Variants in FAM135B observed in about 807,000 individuals in gnomAD.
FAM135B encodes the protein family with sequence similarity 135 member B, also known as protein FAM135B.
A neutral mutation model predicts 127.7 loss-of-function variants in FAM135B; 43 were observed. The ratio of observed to expected loss-of-function variants is 0.34; its 90% CI spans 0.26 to 0.43. FAM135B has a LOEUF of 0.43. Ranked by LOEUF, FAM135B falls within the 20% of genes least tolerant of loss-of-function variation. FAM135B has a pLI of 1.00. For synonymous variants in FAM135B, 670 were observed against 665.1 expected, an observed-to-expected ratio of 1.01 and a Z score of -0.11; for missense variants, 1,558 against 1,725.6, an observed-to-expected ratio of 0.90 and a Z score of 1.72.
At chr8:138,387,363 T>A (rs1301065553) in intron 1 of FAM135B, among the ~76,000 whole-genome samples, 1 of 152,128 alleles carries the variant, frequency 6.6e-6, no homozygotes, top group African/African-American at 2.4e-5. Flanking sequence ...CGCCTCCTAG[T>A]GCTGTGTGGA....
intron 11 of FAM135B, among the ~76,000 whole-genome samples, chr8:138,168,576 T>C (rs888167109): frequency 6.6e-6 from 1 of 152,184 alleles, no homozygotes; most frequent in Non-Finnish European, 1.5e-5. Flanking sequence ...TCAAGGGCCA[T>C]ATTTTTTGGT....
chr8:138,431,826 G>C (rs761286182), intron 1 of FAM135B, among the ~76,000 whole-genome samples: 3 of 152,156 alleles, frequency 2.0e-5, no homozygotes, highest in Non-Finnish European at 2.9e-5. Context: ...TTGCAAGATG[G>C]AATACAGATA....
In FAM135B at chr8:138,390,408, A is replaced by C. The variant is rs575688399; in HGVS notation, c.-19-22406T>G. 1.4e-4 allele frequency among the ~76,000 whole-genome samples: 21 copies of C among 152,244 alleles called. 1 individual carries two copies. The East Asian group carries it at 4.1e-3, about 29-fold the overall frequency. On this transcript the variant is annotated intron_variant, in intron 1 of 19. Transcript: ENST00000395297. ...ATTCTCTCTTGTCTGCCGTCATGTA[A>C]GATGTGCCTTTTGCCTTCTGCCATG...
intron 3 of FAM135B, among the ~76,000 whole-genome samples, chr8:138,287,175 G>C (rs1017965277): frequency 6.6e-6 from 1 of 152,124 alleles, no homozygotes; most frequent in Admixed American, 6.5e-5. Flanking sequence ...TCAAAGATGT[G>C]GTTGGCAGAA....
In FAM135B at chr8:138,130,764, A is replaced by T. The variant is rs984545779; in HGVS notation, c.*1829T>A. The T allele has an allele frequency of 6.6e-6, 1 of 152,264 alleles. No homozygotes were observed. The highest frequency in any genetic ancestry group is 1.9e-4 in the East Asian group (1 of 5,202). The allele number at this position is 152,264 out of a possible 1,614,324, so 9.4% of individuals were successfully genotyped here. A position where few individuals can be genotyped will look rare whatever the true frequency, so the allele number is the denominator to read the frequency against. ...AGGGAACAAATGTCTCCCAGGTTAC[A>T]GAGCAAATACAGCACTCCTCATGAA... is the stretch of plus-strand genomic sequence containing the variant. On this transcript the variant is annotated 3_prime_UTR_variant, in exon 20 of 20. Coordinates refer to ENST00000395297, the MANE Select transcript of FAM135B (RefSeq NM_015912.4).
At chr8:138,399,513 C>T (rs1386007164) in intron 1 of FAM135B, among the ~76,000 whole-genome samples, 1 of 152,114 alleles carries the variant, frequency 6.6e-6, no homozygotes, top group African/African-American at 2.4e-5. Flanking sequence ...ACAGGAAAAC[C>T]ATATGGGTGG....
At chr8:138,459,713 C>T (rs1244472781) in intron 1 of FAM135B, 1 of 152,150 alleles carries the variant, frequency 6.6e-6, no homozygotes, top group Non-Finnish European at 1.5e-5. Context: ...CAGAAGGGGC[C>T]CTGGCATTGT....
intron 1 of FAM135B, among the ~76,000 whole-genome samples, chr8:138,392,346 A>C: frequency 6.6e-6 from 1 of 152,166 alleles, no homozygotes; most frequent in East Asian, 1.9e-4. Flanking sequence ...GATAATAGCT[A>C]ATTGGAGTAA....
intron 2 of FAM135B, among the ~76,000 whole-genome samples, chr8:138,340,480 G>C (rs1401862587): frequency 6.6e-6 from 1 of 152,058 alleles, no homozygotes; most frequent in African/African-American, 2.4e-5. Flanking sequence ...TCCACAAACA[G>C]TACGCTGACA....
At position 138,168,052 on chromosome 8, in the gene FAM135B, G is replaced by A. The variant is rs2130903996; in HGVS notation, c.1104-3C>T. 6.2e-7 allele frequency: 1 copy of A among 1,609,944 alleles called. No individual in the cohort carries two copies. Among genetic ancestry groups the A allele is most frequent in the Non-Finnish European group, 8.5e-7 (1 of 1,178,018 alleles). Reference sequence around the variant, plus strand: ...ACAGCTGGCTGTGCGTCTGTATCCTGGGGAGCACATGGCAGGGTGAGCGTC... The same window carrying A: ...ACAGCTGGCTGTGCGTCTGTATCCTAGGGAGCACATGGCAGGGTGAGCGTC... On this transcript the variant is annotated splice_region_variant and splice_polypyrimidine_tract_variant and intron_variant, in intron 11 of 19. Coordinates refer to ENST00000395297, the MANE Select transcript of FAM135B (RefSeq NM_015912.4).
At chr8:138,139,953 A>G (rs1443669356) in intron 17 of FAM135B, among the ~76,000 whole-genome samples, 4 of 152,250 alleles carry the variant, frequency 2.6e-5, no homozygotes, top group Admixed American at 1.3e-4. Flanking sequence ...GTGCACAAAG[A>G]TAAGTAGAAT....
intron 2 of FAM135B, among the ~76,000 whole-genome samples, chr8:138,353,847 G>C (rs1215384958): frequency 6.6e-6 from 1 of 152,094 alleles, no homozygotes; most frequent in Non-Finnish European, 1.5e-5. Flanking sequence ...ATGAGCTGAT[G>C]AATCCCAGCC....
chr8:138,168,453 T>C (rs2130907351), intron 11 of FAM135B, among the ~76,000 whole-genome samples: 2 of 152,324 alleles, frequency 1.3e-5, no homozygotes, highest in Middle Eastern at 3.4e-3. Flanking sequence ...CTTAGACCAC[T>C]TAGGATCTGG....
At chr8:138,350,341 A>AC (rs914207200) in intron 2 of FAM135B, among the ~76,000 whole-genome samples, 1 of 152,200 alleles carries the variant, frequency 6.6e-6, no homozygotes, top group African/African-American at 2.4e-5. Flanking sequence ...GCACAAGGCA[A>AC]CCAACCATTC....
chr8:138,367,254 G>A (rs955534230), intron 2 of FAM135B: 14 of 367,762 alleles, frequency 3.8e-5, no homozygotes, highest in African/African-American at 1.9e-4. Flanking sequence ...GTCAAAAGTA[G>A]TAGCAATCAT....
At chr8:138,395,688 AAG>A (rs751686019) in intron 1 of FAM135B, among the ~76,000 whole-genome samples, 5 of 152,204 alleles carry the variant, frequency 3.3e-5, no homozygotes, top group Non-Finnish European at 7.3e-5. Flanking sequence ...GCAAAGGTAA[AAG>A]AGGATTGCCA....
chr8:138,396,243 T>A (rs1381629317), intron 1 of FAM135B, among the ~76,000 whole-genome samples: 1 of 152,132 alleles, frequency 6.6e-6, no homozygotes, highest in Non-Finnish European at 1.5e-5. Flanking sequence ...CCTGTGCACA[T>A]CCTTGACCGT....
At chr8:138,459,156 T>C (rs1836979362) in intron 1 of FAM135B, 1 of 152,212 alleles carries the variant, frequency 6.6e-6, no homozygotes, top group South Asian at 2.1e-4. Flanking sequence ...GAATCGTAGC[T>C]GGTAGAACAA....
chr8:138,369,204 T>C (rs1283957724), intron 1 of FAM135B, among the ~76,000 whole-genome samples: 2 of 152,004 alleles, frequency 1.3e-5, no homozygotes, highest in Admixed American at 6.6e-5. Context: ...CAAGACCTGG[T>C]ATGACCTCTG....
Sources: allele counts gnomAD v4.1 joint callset (sites outside exome capture counted in the v4.1 genomes callset), GRCh38; gene constraint gnomAD v4.1.1; transcripts MANE v1.5; gene names NCBI Gene and HGNC (gene_info 2026-07-23, HGNC 2026-07-21).